A2ML1: variants seen among roughly 807,000 people sequenced by gnomAD.
A2ML1 encodes the protein alpha-2-macroglobulin like 1.
A neutral mutation model predicts 181.9 loss-of-function variants in A2ML1; 161 were observed. That is an observed-to-expected ratio of 0.89 (90% CI 0.78 to 1.01). The LOEUF is 1.01. A2ML1 is among the 50% of genes least tolerant of loss of function. The probability of loss-of-function intolerance (pLI) is 0.00; values close to 1 mark genes in which losing one functional copy is unlikely to be tolerated. For synonymous variants in A2ML1, 663 were observed against 666.8 expected, an observed-to-expected ratio of 0.99 and a Z score of 0.09; for missense variants, 1,670 against 1,768.1, an observed-to-expected ratio of 0.94 and a Z score of 1.00.
chr12:8,862,481 G>T (rs753324157), intron 28 of A2ML1, among the ~76,000 whole-genome samples: 1 of 152,188 alleles, frequency 6.6e-6, no homozygotes, highest in Non-Finnish European at 1.5e-5. Flanking sequence ...AATTACAAGC[G>T]TGAGCCATTG....
chr12:8,833,994 T>C (rs78196755), intron 4 of A2ML1, among the ~76,000 whole-genome samples: 2,660 of 152,134 alleles, frequency 0.017, 71 homozygotes, highest in African/African-American at 0.061. Flanking sequence ...CCAAGTTAGA[T>C]CCAAACTGGT....
chr12:8,834,093 A>G (rs1943198858), intron 4 of A2ML1, among the ~76,000 whole-genome samples: 1 of 152,178 alleles, frequency 6.6e-6, no homozygotes, highest in Non-Finnish European at 1.5e-5. Flanking sequence ...AGTTGCAAGC[A>G]CAATGACCTG....
At chr12:8,883,597 C>G (rs1360335368) in intron 7 of A2ML1, among the ~76,000 whole-genome samples, 1 of 151,814 alleles carries the variant, frequency 6.6e-6, no homozygotes, top group African/African-American at 2.4e-5. Flanking sequence ...CCTGCCTCAG[C>G]CTCCCAAGTA....
chr12:8,861,320 T>A (rs761525923), intron 28 of A2ML1, 23 bp downstream of exon 28: 2 of 1,612,302 alleles, frequency 1.2e-6, no homozygotes, highest in Admixed American at 3.3e-5. Flanking sequence ...TGTTGAGAGT[T>A]CTTTGAAATT....
At position 8,869,175 on chromosome 12, in the gene A2ML1, CT is replaced by C; in HGVS notation, c.4194del (p.Asp1399ThrfsTer30). 1 of 1,614,072 alleles carries C rather than the reference CT, an allele frequency of 6.2e-7. No homozygotes were observed. Among genetic ancestry groups the C allele is most frequent in the Non-Finnish European group, 8.5e-7 (1 of 1,179,998 alleles). ...CTGGTGAAGAAGGTTGAATTTGGAA[CT>C]GACACACTTAACATTTACTTGGATG... Reference protein sequence around the residue: ...QPLVKKVEFGTDTLNIYLDEL... With the variant: ...QPLVKKVEFGXDTLNIYLDEL... On this transcript the variant is annotated frameshift_variant, in exon 33 of 36. Transcript: ENST00000299698. LOFTEE classifies it high-confidence loss of function.
At chr12:8,860,063 C>T (rs749084273) in intron 26 of A2ML1, among the ~76,000 whole-genome samples, 1 of 152,208 alleles carries the variant, frequency 6.6e-6, no homozygotes, top group East Asian at 1.9e-4. Context: ...TTTTTTGAGA[C>T]AGGGTCTCAC....
intron 26 of A2ML1, among the ~76,000 whole-genome samples, chr12:8,860,225 G>T (rs1182990314): frequency 6.6e-6 from 1 of 152,078 alleles, no homozygotes; most frequent in African/African-American, 2.4e-5. Flanking sequence ...TGCAGGTTTT[G>T]TAGAGTTGGG....
intron 11 of A2ML1, among the ~76,000 whole-genome samples, 161 bp from the exon 12 acceptor site, chr12:8,842,973 C>T (rs1180885234): frequency 1.3e-5 from 2 of 152,170 alleles, no homozygotes; most frequent in Admixed American, 6.5e-5. Flanking sequence ...TTTATGGATT[C>T]TTTATCCATC....
intron 4 of A2ML1, among the ~76,000 whole-genome samples, chr12:8,830,485 T>C (rs1943075617): frequency 6.6e-6 from 1 of 152,158 alleles, no homozygotes; most frequent in African/African-American, 2.4e-5. Flanking sequence ...ATTTACAAAG[T>C]AGGTAATTCT....
chr12:8,834,982 C>G (rs1308912265), intron 5 of A2ML1: 2 of 446,290 alleles, frequency 4.5e-6, no homozygotes, highest in African/African-American at 3.9e-5. Context: ...TTCCATACTC[C>G]CCTTAGTGTA....
intron 10 of A2ML1, among the ~76,000 whole-genome samples, chr12:8,841,021 A>ACGGAC (rs1592119801): frequency 1.3e-4 from 16 of 122,958 alleles, no homozygotes; most frequent in Admixed American, 3.4e-4. Flanking sequence ...GACGGAAGGA[A>ACGGAC]GGAAGGAAGG....
downstream of A2ML1, among the ~76,000 whole-genome samples, chr12:8,879,138 G>C (rs151191288): frequency 5.4e-3 from 826 of 152,178 alleles, 8 homozygotes; most frequent in African/African-American, 0.017. Flanking sequence ...ATGCAAAGGA[G>C]GTCATTCCCA....
At chr12:8,824,721 A>T (rs763459890) in intron 3 of A2ML1, among the ~76,000 whole-genome samples, 291 of 148,164 alleles carry the variant, frequency 2.0e-3, no homozygotes, top group Non-Finnish European at 1.2e-3. Flanking sequence ...TTTCAAAAAA[A>T]TTTTTTTCCT....
At chr12:8,830,741 G>T (rs1943084032) in intron 4 of A2ML1, 1 of 152,050 alleles carries the variant, frequency 6.6e-6, no homozygotes, top group East Asian at 1.9e-4. Context: ...GATAAACATA[G>T]AGAAAGCATG....
rs138656909 is a variant in A2ML1, at chr12:8,827,351, T to C, written c.410-2376T>C. On this transcript the variant is annotated intron_variant, in intron 3 of 35. Coordinates refer to ENST00000299698, the MANE Select transcript of A2ML1 (RefSeq NM_144670.6). ...GAGACTGTCTCAAATAATAATAATA[T>C]TGATATCTTTCTCTAGGTTTGGAAA... is the stretch of plus-strand genomic sequence containing the variant. Among the ~76,000 whole-genome samples, 18 of 152,262 alleles carry C rather than the reference T, an allele frequency of 1.2e-4. 2 individuals carry two copies. The highest frequency in any genetic ancestry group is 4.1e-4 in the African/African-American group (17 of 41,562).
rs780076005 is a variant in A2ML1 at position 8,868,490 on chromosome 12, G to A, written c.4062-47G>A. On this transcript the variant is annotated intron_variant, in intron 31 of 35. Transcript: ENST00000299698. Reference sequence around the variant, plus strand: ...TGTGTGTGTGTTGGGGATGCAGAGTGCACTGAAGTAATAGGCTCACATGTG... The same window carrying A: ...TGTGTGTGTGTTGGGGATGCAGAGTACACTGAAGTAATAGGCTCACATGTG... The A allele has an allele frequency of 2.5e-6, 4 of 1,602,192 alleles. No individual in the cohort carries two copies. In the Admixed American group the frequency reaches 5.0e-5, roughly 20 times the overall value.
intron 14 of A2ML1, 34 bp downstream of exon 14, chr12:8,846,256 G>A (rs779445485): frequency 1.2e-6 from 2 of 1,612,188 alleles, no homozygotes. Flanking sequence ...GAAGATAAAA[G>A]TTGGGCATAG....
At chr12:8,868,756 ATATATGTATG>A (rs1458932069) in intron 32 of A2ML1, 129 bp downstream of exon 32, 4 of 688,214 alleles carry the variant, frequency 5.8e-6, no homozygotes, top group South Asian at 1.9e-5. Flanking sequence ...ATACATACAT[ATATATGTATG>A]TATATGTATG....
chr12:8,839,120 G>A lies in A2ML1; in HGVS notation c.978G>A (p.Glu326=), dbSNP rs371390076. 20 of 1,612,072 alleles carry A rather than the reference G, an allele frequency of 1.2e-5. No homozygotes were observed. The highest frequency in any genetic ancestry group is 1.6e-5 in the Non-Finnish European group (19 of 1,178,978). ...TCTGGTTTCCCTCTGCAGGTGTGGA[G>A]GCCAATGCCACTCAGAATATCTACA... The part of the protein sequence containing the change: ...ATVVEEGTGV[E]ANATQNIYIS... Residue 326 remains glutamate (E), a synonymous_variant, in exon 10 of 36, where the codon GAG becomes GAA. Transcript: ENST00000299698.
Sources: allele counts gnomAD v4.1 joint callset (sites outside exome capture counted in the v4.1 genomes callset), GRCh38; gene constraint gnomAD v4.1.1; transcripts MANE v1.5; gene names NCBI Gene and HGNC (gene_info 2026-07-23, HGNC 2026-07-21).